The following IL1RAPL2 variants were observed in gnomAD, a reference collection of about 807,000 sequenced individuals.
The protein encoded by IL1RAPL2 is X-linked interleukin-1 receptor accessory protein-like 2.
In IL1RAPL2, 3 loss-of-function variants were observed where a neutral mutation model predicts 44.1. The observed-to-expected ratio is 0.07, with a 90% CI of 0.03 to 0.18. The LOEUF (loss-of-function observed/expected upper bound fraction) is 0.18. Among genes scored for constraint, IL1RAPL2 ranks in the 10% least tolerant of loss-of-function variants. The pLI is 1.00. For synonymous variants in IL1RAPL2, 181 were observed against 178.8 expected (o/e 1.01, Z -0.10); for missense variants, 391 against 496.4 (o/e 0.79, Z 2.02).
At chrX:104,861,688 T>C in intron 2 of IL1RAPL2, among the ~76,000 whole-genome samples, 1 of 111,210 alleles carries the variant, frequency 9.0e-6, no homozygotes, top group Non-Finnish European at 1.9e-5. Flanking sequence ...CTCAGGTCCC[T>C]TATGTAAAAT....
chrX:104,766,621 C>A (rs1217951149), intron 2 of IL1RAPL2, among the ~76,000 whole-genome samples: 2 of 111,985 alleles, frequency 1.8e-5, no homozygotes, highest in Admixed American at 1.9e-4. Context: ...CTGACTTATT[C>A]TTAGAAACCT....
chrX:104,889,377 C>A (rs1381816157), intron 2 of IL1RAPL2, among the ~76,000 whole-genome samples: 1 of 111,872 alleles, frequency 8.9e-6, no homozygotes, highest in Non-Finnish European at 1.9e-5. Flanking sequence ...CTTCCACCCG[C>A]TCACCAGAGC....
At chrX:104,798,605 G>T (rs899482454) in intron 2 of IL1RAPL2, among the ~76,000 whole-genome samples, 10 of 111,538 alleles carry the variant, frequency 9.0e-5, no homozygotes, top group African/African-American at 2.9e-4. Flanking sequence ...GGCGGAGCTT[G>T]CAGTGAGCCG....
At chrX:105,683,984 TCTATCCTA>T (rs1311938584) in intron 6 of IL1RAPL2, among the ~76,000 whole-genome samples, 3 of 112,601 alleles carry the variant, frequency 2.7e-5, no homozygotes, top group African/African-American at 9.7e-5. Flanking sequence ...ATTTTGGCAT[TCTATCCTA>T]CTTAGAAATG....
chrX:105,475,852 A>G (rs2036194647), intron 5 of IL1RAPL2, among the ~76,000 whole-genome samples: 1 of 112,347 alleles, frequency 8.9e-6, no homozygotes, highest in Non-Finnish European at 1.9e-5. Flanking sequence ...TGGCATTGAG[A>G]AGAAATTGCC....
chrX:105,043,926 G>A (rs1407176545), intron 2 of IL1RAPL2, among the ~76,000 whole-genome samples: 1 of 111,994 alleles, frequency 8.9e-6, no homozygotes, highest in African/African-American at 3.2e-5. Context: ...TAGAATTATT[G>A]AGTCTGATTT....
At chrX:104,946,379 CAA>C (rs1157603029) in intron 2 of IL1RAPL2, among the ~76,000 whole-genome samples, 140 of 9,088 alleles carry the variant, frequency 0.015, no homozygotes, top group African/African-American at 0.055. Context: ...GACTCCGTCT[CAA>C]AAAAAAAAAA....
chrX:105,325,541 TTATATATA>T (rs3035842), intron 5 of IL1RAPL2, among the ~76,000 whole-genome samples: 48,816 of 75,764 alleles, frequency 0.64, 13,844 homozygotes, highest in East Asian at 0.81. Flanking sequence ...TCTCTTGGTT[TTATATATA>T]TATATATATA....
intron 1 of IL1RAPL2, among the ~76,000 whole-genome samples, chrX:104,614,383 T>C (rs995644088): frequency 8.9e-6 from 1 of 112,174 alleles, no homozygotes; most frequent in African/African-American, 3.2e-5. Context: ...TGTATTTCAT[T>C]GTATTCCAAG....
intron 2 of IL1RAPL2, among the ~76,000 whole-genome samples, chrX:104,979,733 T>C (rs1293010878): frequency 8.9e-6 from 1 of 112,081 alleles, no homozygotes; most frequent in Non-Finnish European, 1.9e-5. Context: ...ACAAATAACA[T>C]AGAAGCAAAT....
chrX:104,883,571 C>T (rs1003788776), intron 2 of IL1RAPL2, among the ~76,000 whole-genome samples: 1 of 111,582 alleles, frequency 9.0e-6, no homozygotes, highest in Non-Finnish European at 1.9e-5. Context: ...CTCTTGGGTC[C>T]TAATGCCTGC....
chrX:105,111,959 G>A (rs1303019745), intron 2 of IL1RAPL2, among the ~76,000 whole-genome samples: 2 of 111,566 alleles, frequency 1.8e-5, no homozygotes, highest in Non-Finnish European at 3.8e-5. Flanking sequence ...ATTATAAGAG[G>A]AATTCATCTT....
chrX:105,709,960 A>G (rs1394094879), intron 6 of IL1RAPL2, among the ~76,000 whole-genome samples: 1 of 111,452 alleles, frequency 9.0e-6, no homozygotes, highest in Non-Finnish European at 1.9e-5. Context: ...TGGACTTTGT[A>G]ACTCTTATCT....
At chrX:105,265,449 C>T (rs923968144) in intron 4 of IL1RAPL2, among the ~76,000 whole-genome samples, 4 of 111,278 alleles carry the variant, frequency 3.6e-5, no homozygotes, top group Non-Finnish European at 5.7e-5. Context: ...ACCTTATATC[C>T]CAAGGTTTAA....
intron 2 of IL1RAPL2, among the ~76,000 whole-genome samples, chrX:105,039,268 A>C (rs777112340): frequency 3.6e-5 from 4 of 111,942 alleles, no homozygotes; most frequent in Non-Finnish European, 7.5e-5. Context: ...AATGCCATGA[A>C]AATATTAGAA....
At chrX:104,676,299 T>C (rs1364903792) in intron 2 of IL1RAPL2, among the ~76,000 whole-genome samples, 1 of 111,539 alleles carries the variant, frequency 9.0e-6, no homozygotes, top group Non-Finnish European at 1.9e-5. Context: ...GGGCTGGTGG[T>C]GACAAAATCT....
chrX:104,655,769 C>G (rs1024026281), intron 1 of IL1RAPL2, among the ~76,000 whole-genome samples: 1 of 111,522 alleles, frequency 9.0e-6, no homozygotes, highest in Non-Finnish European at 1.9e-5. Context: ...CTTTGTACCT[C>G]TGGTAGAATT....
chrX:105,487,198 C>CT (rs758811575), intron 6 of IL1RAPL2, among the ~76,000 whole-genome samples: 4 of 110,581 alleles, frequency 3.6e-5, no homozygotes, highest in Admixed American at 2.9e-4. Context: ...CTCTCCTCTG[C>CT]TATTAGGCAC....
chrX:104,932,720 CAA>C (rs1485137349), intron 2 of IL1RAPL2, among the ~76,000 whole-genome samples: 1 of 111,948 alleles, frequency 8.9e-6, no homozygotes, highest in Non-Finnish European at 1.9e-5. Flanking sequence ...GAGTTTAAGG[CAA>C]AGAGTTAAGC....
Sources: allele counts gnomAD v4.1 joint callset (sites outside exome capture counted in the v4.1 genomes callset), GRCh38; gene constraint gnomAD v4.1.1; transcripts MANE v1.5; gene names NCBI Gene and HGNC (gene_info 2026-07-23, HGNC 2026-07-21).